The following CHLSN variants were observed in gnomAD, a reference collection of about 807,000 sequenced individuals.
The protein encoded by CHLSN is cholesin, also known as protein cholesin.
the CHLSN span, among the ~76,000 whole-genome samples, chr7:1,066,643 C>T: frequency 6.6e-6 from 1 of 152,242 alleles, no homozygotes; most frequent in Non-Finnish European, 1.5e-5. Flanking sequence ...TGCCCAGAGG[C>T]TCCCAGACCA....
At chr7:1,084,369 T>A in the CHLSN span, among the ~76,000 whole-genome samples, 2 of 152,222 alleles carry the variant, frequency 1.3e-5, no homozygotes, top group East Asian at 3.8e-4. Context: ...CCGCCTGGCA[T>A]GTGAGACACG....
the CHLSN span, among the ~76,000 whole-genome samples, chr7:1,055,835 G>A: frequency 0.17 from 25,552 of 152,160 alleles, 2,289 homozygotes; most frequent in African/African-American, 0.19. Context: ...TGGGCGCCCC[G>A]TGAGGCCAGG....
At chr7:997,662 G>GC in the CHLSN span, 1 of 1,609,854 alleles carries the variant, frequency 6.2e-7, no homozygotes, top group Non-Finnish European at 8.5e-7. Flanking sequence ...GATGCGCTGG[G>GC]CCCTCCCCGG....
At chr7:1,099,500 C>T in the CHLSN span, among the ~76,000 whole-genome samples, 1 of 152,286 alleles carries the variant, frequency 6.6e-6, no homozygotes, top group African/African-American at 2.4e-5. Flanking sequence ...TTAAAGCTTT[C>T]TCTTCTCGCT....
chr7:1,028,779 G>T, the CHLSN span: 1 of 798,438 alleles, frequency 1.3e-6, no homozygotes, highest in Non-Finnish European at 1.5e-6. Context: ...CTAGTCTGCC[G>T]CCATCTGTCC....
chr7:1,136,285 T>TATATATAAACATATATAAATATATA, the CHLSN span, among the ~76,000 whole-genome samples: 1 of 116,718 alleles, frequency 8.6e-6, no homozygotes, highest in African/African-American at 3.5e-5. Flanking sequence ...AAAATATATA[T>TATATATAAACATATATAAATATATA]AAATATATAT....
At chr7:994,725 C>T in the CHLSN span, among the ~76,000 whole-genome samples, 2 of 152,232 alleles carry the variant, frequency 1.3e-5, no homozygotes, top group Admixed American at 6.5e-5. Flanking sequence ...AGGTGTGAGC[C>T]GCCGCACCCG....
At chr7:982,031 C>T in the CHLSN span, among the ~76,000 whole-genome samples, 22 of 152,176 alleles carry the variant, frequency 1.4e-4, no homozygotes, top group Non-Finnish European at 2.9e-4. Context: ...AAGACCCTGT[C>T]TCAAAAACAA....
chr7:1,012,423 G>A, the CHLSN span, among the ~76,000 whole-genome samples: 1 of 152,238 alleles, frequency 6.6e-6, no homozygotes, highest in Non-Finnish European at 1.5e-5. Context: ...CCGGGGACCC[G>A]CAGGCCCAGC....
chr7:1,072,493 G>A, the CHLSN span, among the ~76,000 whole-genome samples: 7 of 152,160 alleles, frequency 4.6e-5, no homozygotes, highest in Non-Finnish European at 7.3e-5. Context: ...TTAGGCATAT[G>A]ATTAAACACA....
At chr7:1,009,980 C>T in the CHLSN span, 2 of 1,579,832 alleles carry the variant, frequency 1.3e-6, no homozygotes, top group Non-Finnish European at 1.7e-6. Context: ...CAGTTCGGCC[C>T]CCGAGCGCCT....
the CHLSN span, among the ~76,000 whole-genome samples, chr7:1,013,994 G>C: frequency 6.6e-6 from 1 of 152,206 alleles, no homozygotes; most frequent in Non-Finnish European, 1.5e-5. Context: ...CTGCGACCCC[G>C]AGGACTGGGA....
chr7:982,755 G>A, the CHLSN span, among the ~76,000 whole-genome samples: 1 of 152,252 alleles, frequency 6.6e-6, no homozygotes, highest in Admixed American at 6.5e-5. Context: ...GGGTTTGGGA[G>A]AGGCCTGCAA....
the CHLSN span, among the ~76,000 whole-genome samples, chr7:991,639 C>T: frequency 2.0e-5 from 3 of 152,348 alleles, no homozygotes; most frequent in East Asian, 3.9e-4. Flanking sequence ...GGGCTTGGCA[C>T]GGATGGGACA....
At chr7:1,076,363 C>T in the CHLSN span, among the ~76,000 whole-genome samples, 22 of 152,296 alleles carry the variant, frequency 1.4e-4, no homozygotes, top group East Asian at 4.3e-3. Context: ...AGATAGGCTG[C>T]AAGGAGCACC....
At chr7:1,120,062 C>T in the CHLSN span, among the ~76,000 whole-genome samples, 1 of 152,024 alleles carries the variant, frequency 6.6e-6, no homozygotes, top group Non-Finnish European at 1.5e-5. Flanking sequence ...AAAAACTGAC[C>T]TTACATCAAT....
At chr7:1,068,087 C>A in the CHLSN span, among the ~76,000 whole-genome samples, 1 of 152,164 alleles carries the variant, frequency 6.6e-6, no homozygotes, top group Non-Finnish European at 1.5e-5. Context: ...CCAGTAAGGT[C>A]CGCTTCTCTG....
the CHLSN span, among the ~76,000 whole-genome samples, chr7:1,080,356 G>C: frequency 6.6e-6 from 1 of 152,268 alleles, no homozygotes; most frequent in Admixed American, 6.5e-5. Context: ...GTGCTCAGTG[G>C]CGAGCAGCCA....
the CHLSN span, among the ~76,000 whole-genome samples, chr7:1,095,573 G>A: frequency 1.7e-4 from 26 of 152,324 alleles, no homozygotes; most frequent in South Asian, 4.1e-3. Context: ...ATACGCAGAC[G>A]AGAGACCCAG....
Sources: gnomAD v4.1 joint callset for allele counts (sites outside exome capture counted in the v4.1 genomes callset) on GRCh38, gnomAD v4.1.1 for gene constraint, MANE v1.5 for transcripts, NCBI Gene and HGNC (gene_info 2026-07-23, HGNC 2026-07-21) for gene names.